ANKS1A: variants seen among roughly 807,000 people sequenced by gnomAD.
ANKS1A encodes the protein ankyrin repeat and sterile alpha motif domain containing 1A.
Under a neutral mutation model 120.3 loss-of-function variants are expected in ANKS1A, and 55 were observed. The observed-to-expected ratio is 0.46, with a 90% confidence interval of 0.37 to 0.57. The LOEUF is 0.57. Ranked by LOEUF, ANKS1A falls within the 20% of genes least tolerant of loss-of-function variation. The pLI, the probability that ANKS1A is intolerant of heterozygous loss-of-function variation, is 0.00. For synonymous variants in ANKS1A, 590 were observed against 604.7 expected, an observed-to-expected ratio of 0.98 and a Z score of 0.36; for missense variants, 1,123 against 1,480.3, an observed-to-expected ratio of 0.76 and a Z score of 3.96.
At chr6:34,993,773 A>G (rs1204774862) in intron 9 of ANKS1A, among the ~76,000 whole-genome samples, 6 of 152,184 alleles carry the variant, frequency 3.9e-5, no homozygotes, top group Admixed American at 3.3e-4. Flanking sequence ...GTATATGTGC[A>G]TATTAGAAAA....
chr6:35,095,524 T>C (rs1269020411), downstream of ANKS1A, among the ~76,000 whole-genome samples: 3 of 123,422 alleles, frequency 2.4e-5, no homozygotes, highest in African/African-American at 9.8e-5. Context: ...GCCACTGCAC[T>C]CCAGCCTGGG....
At chr6:34,995,839 A>C (rs1772823237) in intron 10 of ANKS1A, among the ~76,000 whole-genome samples, 1 of 152,206 alleles carries the variant, frequency 6.6e-6, no homozygotes, top group African/African-American at 2.4e-5. Flanking sequence ...AGTTTTTGGC[A>C]ATTACAAATA....
chr6:35,060,291 C>T lies in ANKS1A; in HGVS notation c.2184+38C>T. 6.4e-7 allele frequency: 1 copy of T among 1,571,872 alleles called. No individual in the cohort carries two copies. The highest frequency in any genetic ancestry group is 2.2e-4 in the Middle Eastern group (1 of 4,628). On this transcript the variant is annotated intron_variant, in intron 13 of 23. Transcript: ENST00000360359. The surrounding 1 kb of genome is among the most constrained non-coding windows in gnomAD (Gnocchi z 4.5). ...AGGCCTCCTCAATGGCAGGGTGCTG[C>T]TCAGTGGAAACAGGCCTCCCTGGCC...
At chr6:35,038,036 C>G (rs563617267) in intron 11 of ANKS1A, among the ~76,000 whole-genome samples, 1 of 152,024 alleles carries the variant, frequency 6.6e-6, no homozygotes, top group Non-Finnish European at 1.5e-5. Context: ...GTCTCTTTGT[C>G]TCTTGGGGAG....
At chr6:34,948,995 CT>C (rs1235848842) in intron 1 of ANKS1A, among the ~76,000 whole-genome samples, 1 of 152,172 alleles carries the variant, frequency 6.6e-6, no homozygotes, top group Non-Finnish European at 1.5e-5. Context: ...ATTTACTGTC[CT>C]TTCTCCTGAC....
chr6:35,078,666 G>A lies in ANKS1A; in HGVS notation c.2283+10G>A, dbSNP rs72898254. ...ACGCTCCCTACCCAAGGTGACCATC[G>A]CCGGCCCTGTAGCCTCAGCCCGTGC... On this transcript the variant is annotated intron_variant, in intron 14 of 23. Transcript: ENST00000360359. 39 of 1,600,124 alleles carry A rather than the reference G, an allele frequency of 2.4e-5. No individual in the cohort carries two copies. Among genetic ancestry groups the A allele is most frequent in the African/African-American group, 5.3e-5 (4 of 74,894 alleles).
intron 1 of ANKS1A, among the ~76,000 whole-genome samples, chr6:34,931,863 G>A (rs1228882587): frequency 6.6e-6 from 1 of 152,260 alleles, no homozygotes; most frequent in African/African-American, 2.4e-5. Context: ...GAAAGTTGGT[G>A]AGTAAGAAGT....
At chr6:34,966,601 A>G (rs1312900338) in intron 1 of ANKS1A, among the ~76,000 whole-genome samples, 3 of 152,266 alleles carry the variant, frequency 2.0e-5, no homozygotes, top group African/African-American at 7.2e-5. Context: ...GCTCTGGTCA[A>G]TGCAGTAAGG....
Position 34,970,069 on chromosome 6 carries a change from G to C in ANKS1A, c.338G>C (p.Gly113Ala). The change falls in exon 3 of 24, where the codon GGC becomes GCC. Residue 113 changes from glycine to alanine, a missense_variant. Physicochemically the swap from Gly to Ala is moderately conservative, Grantham distance 60 (BLOSUM62 0). Around this residue, in one of 3 missense-constraint regions of ANKS1A, gnomAD observed 146 missense variants for 267.8 expected, o/e 0.55. Transcript: ENST00000360359. ...CTGACCAACGTGGCTGACTCAAAAG[G>C]CTGCTACCCTCTGCATTTGGCAGCC... ...DALTNVADSK[G>A]CYPLHLAAWK... 1 of 1,614,144 alleles carries C rather than the reference G, an allele frequency of 6.2e-7. No individual in the cohort carries two copies. The highest frequency in any genetic ancestry group is 8.5e-7 in the Non-Finnish European group (1 of 1,180,022).
chr6:34,931,731 G>T (rs1421270923), intron 1 of ANKS1A, among the ~76,000 whole-genome samples: 3 of 152,148 alleles, frequency 2.0e-5, no homozygotes, highest in Non-Finnish European at 4.4e-5. Context: ...TTCCTTCATG[G>T]AGGATACCCC....
intron 11 of ANKS1A, among the ~76,000 whole-genome samples, chr6:35,039,285 G>A (rs952062833): frequency 9.6e-5 from 13 of 135,022 alleles, no homozygotes; most frequent in Non-Finnish European, 1.2e-4. Context: ...TGCAACCTCC[G>A]CCTCCTGGGT....
At chr6:34,995,395 A>G (rs1179978070) in intron 10 of ANKS1A, among the ~76,000 whole-genome samples, 1 of 151,104 alleles carries the variant, frequency 6.6e-6, no homozygotes, top group African/African-American at 2.4e-5. Flanking sequence ...TTTGTATTTT[A>G]TGGTTTCCAT....
At chr6:34,983,251 C>T (rs1366623089) in intron 6 of ANKS1A, 37 bp downstream of exon 6, 4 of 1,610,468 alleles carry the variant, frequency 2.5e-6, no homozygotes, top group Non-Finnish European at 3.4e-6. Flanking sequence ...GACCAGGGGA[C>T]ACACGAATTG....
At chr6:34,903,704 A>G (rs1408295884) in intron 1 of ANKS1A, among the ~76,000 whole-genome samples, 1 of 151,944 alleles carries the variant, frequency 6.6e-6, no homozygotes, top group Non-Finnish European at 1.5e-5. Context: ...TTCAGTAGAG[A>G]CGGGGTTTCA....
Position 34,939,860 on chromosome 6 carries a change from C to G in ANKS1A, c.198-27379C>G, listed in dbSNP as rs1403743696. On this transcript the variant is annotated intron_variant, in intron 1 of 23. Coordinates refer to ENST00000360359, the MANE Select transcript of ANKS1A (RefSeq NM_015245.3). ...TGGTGCAAAAAATCAGCCATAGTGG[C>G]TTGAAGATTTCAGGAATATTTTCTA... is the stretch of plus-strand genomic sequence containing the variant. Among the ~76,000 whole-genome samples the G allele has an allele frequency of 2.0e-5, 3 of 152,304 alleles. No individual in the cohort carries two copies. The East Asian group carries it at 5.8e-4, about 29-fold the overall frequency.
At chr6:35,029,275 T>C (rs903922914) in intron 11 of ANKS1A, among the ~76,000 whole-genome samples, 39 of 152,062 alleles carry the variant, frequency 2.6e-4, no homozygotes, top group Admixed American at 3.9e-4. Context: ...CTTGTGGTAT[T>C]TTTATGTTTT....
At chr6:35,071,004 A>C (rs922796176) in intron 13 of ANKS1A, 2 of 523,530 alleles carry the variant, frequency 3.8e-6, no homozygotes, top group Admixed American at 4.5e-5. Flanking sequence ...AGGCCTGCCC[A>C]TTCCCCTAGT....
intron 8 of ANKS1A, among the ~76,000 whole-genome samples, chr6:34,988,518 C>A (rs896819551): frequency 6.6e-6 from 1 of 152,208 alleles, no homozygotes; most frequent in African/African-American, 2.4e-5. Context: ...ATGGCATGAA[C>A]CTGGGAGGCG....
intron 11 of ANKS1A, among the ~76,000 whole-genome samples, chr6:35,049,374 G>A (rs982957696): frequency 1.3e-5 from 2 of 152,206 alleles, no homozygotes; most frequent in African/African-American, 4.8e-5. Context: ...GGCATATGGT[G>A]GGATCTAAAG....
Sources: gnomAD v4.1 joint callset for allele counts (sites outside exome capture counted in the v4.1 genomes callset) on GRCh38, gnomAD v4.1.1 for gene constraint, gnomAD v4.1.1 regional missense constraint, Gnocchi (gnomAD v3.1) non-coding constraint, MANE v1.5 for transcripts, NCBI Gene and HGNC (gene_info 2026-07-23, HGNC 2026-07-21) for gene names.